The following LEMD1 variants were observed in gnomAD, a reference collection of about 807,000 sequenced individuals.
The protein encoded by LEMD1 is LEM domain containing 1.
LEMD1 carries 18 observed loss-of-function variants against 17.4 expected under a neutral mutation model. The ratio of observed to expected loss-of-function variants is 1.04; its 90% CI spans 0.72 to 1.54. The LOEUF is 1.54. LEMD1 is among the 40% of genes most tolerant of loss of function. The pLI is 0.00. For synonymous variants in LEMD1, 88 were observed against 77.8 expected (o/e 1.13, Z -0.69); for missense variants, 195 against 210.4 (o/e 0.93, Z 0.45).
intron 4 of LEMD1, among the ~76,000 whole-genome samples, chr1:205,406,933 A>G (rs1345129456): frequency 2.0e-5 from 3 of 152,206 alleles, no homozygotes; most frequent in Non-Finnish European, 4.4e-5. Context: ...TGGAGCTACA[A>G]GAGTTATCTT....
intron 1 of LEMD1, among the ~76,000 whole-genome samples, chr1:205,444,353 G>A (rs1051611400): frequency 6.6e-6 from 1 of 151,958 alleles, no homozygotes; most frequent in Non-Finnish European, 1.5e-5. Context: ...ATGGTTTACG[G>A]TCTGGGGGCA....
chr1:205,446,986 T>C (rs1666401223), intron 1 of LEMD1, among the ~76,000 whole-genome samples: 1 of 152,162 alleles, frequency 6.6e-6, no homozygotes, highest in Non-Finnish European at 1.5e-5. Flanking sequence ...CAAAGGGTGA[T>C]TGGAGTTGGG....
chr1:205,412,472 A>G (rs1052093381), intron 4 of LEMD1, among the ~76,000 whole-genome samples: 3 of 152,244 alleles, frequency 2.0e-5, no homozygotes. Context: ...AGTGGCTTGC[A>G]TTCCACTAGA....
intron 1 of LEMD1, among the ~76,000 whole-genome samples, chr1:205,444,816 A>G (rs963387887): frequency 2.0e-5 from 3 of 151,688 alleles, no homozygotes; most frequent in Admixed American, 6.6e-5. Flanking sequence ...TGCGCCCCCC[A>G]CGACCCATCC....
At chr1:205,417,936 G>A (rs1665772145) in intron 3 of LEMD1, among the ~76,000 whole-genome samples, 1 of 151,928 alleles carries the variant, frequency 6.6e-6, no homozygotes, top group Non-Finnish European at 1.5e-5. Flanking sequence ...GCCAGACTGG[G>A]TCCAAATCTC....
rs536756329 is a variant in LEMD1 at position 205,394,287 on chromosome 1, G to C, written c.271-9923C>G. On this transcript the variant is annotated intron_variant, in intron 4 of 5. Transcript: ENST00000367153. The stretch of plus-strand genomic sequence containing the variant: ...ATTTTAGGGTGACAAAAATGTTTTG[G>C]AACTAAAATAGAGGTGGTGGTTTCA... Among the ~76,000 whole-genome samples, 25 of 152,102 alleles carry C rather than the reference G, an allele frequency of 1.6e-4. No homozygotes were observed. In the East Asian group the frequency reaches 4.8e-3, roughly 29 times the overall value.
rs562178961 is a variant in LEMD1 at position 205,430,456 on chromosome 1, G to C, written c.-38-9882C>G. On this transcript the variant is annotated intron_variant, in intron 1 of 3. Coordinates refer to the LEMD1 transcript ENST00000367154. The stretch of plus-strand genomic sequence containing the variant: ...AATTTCCAGACGTTGTCAGGGACGG[G>C]GTGGGAGAGTAGGGTAGGGGTGGAC... Among the ~76,000 whole-genome samples the C allele has an allele frequency of 2.5e-4, 38 of 152,322 alleles. No homozygotes were observed. The South Asian group carries it at 7.5e-3, about 30-fold the overall frequency.
chr1:205,430,610 G>A (rs1666111740), intron 1 of LEMD1, among the ~76,000 whole-genome samples: 1 of 152,200 alleles, frequency 6.6e-6, no homozygotes, highest in African/African-American at 2.4e-5. Flanking sequence ...CCACGCGGAC[G>A]CCAACAGTTT....
At chr1:205,419,378 T>C in intron 2 of LEMD1, 26 bp from the exon 3 acceptor site, 1 of 1,613,820 alleles carries the variant, frequency 6.2e-7, no homozygotes, top group Admixed American at 1.7e-5. Flanking sequence ...GAGAACAAAT[T>C]AAATTGTTCT....
intron 4 of LEMD1, among the ~76,000 whole-genome samples, chr1:205,396,015 G>GA (rs1553392731): frequency 2.4e-4 from 35 of 148,840 alleles, no homozygotes; most frequent in Non-Finnish European, 4.8e-4. Flanking sequence ...TGGAGCATTT[G>GA]TTTTTTTTTT....
chr1:205,435,786 C>G (rs951997770), intron 1 of LEMD1: 5 of 152,166 alleles, frequency 3.3e-5, no homozygotes, highest in Non-Finnish European at 7.3e-5. Context: ...GAGTTTTGAT[C>G]TAGAAAACAT....
At chr1:205,438,457 T>C (rs1239026958) in intron 1 of LEMD1, among the ~76,000 whole-genome samples, 7 of 152,230 alleles carry the variant, frequency 4.6e-5, no homozygotes, top group African/African-American at 1.7e-4. Flanking sequence ...CTGCGAATGC[T>C]GGGGCTGCTT....
At chr1:205,385,646 G>C (rs1244081544) in intron 4 of LEMD1, 1 of 152,244 alleles carries the variant, frequency 6.6e-6, no homozygotes, top group East Asian at 1.9e-4. Flanking sequence ...TATTTTGTAA[G>C]TGTTCTGCAC....
At chr1:205,419,451 C>A in intron 2 of LEMD1, 99 bp from the exon 3 acceptor site, 4 of 1,356,338 alleles carry the variant, frequency 2.9e-6, no homozygotes, top group Non-Finnish European at 1.0e-6. Flanking sequence ...TATTCTTAAC[C>A]CTTACATTAT....
chr1:205,393,749 G>A (rs1664451388), intron 4 of LEMD1, among the ~76,000 whole-genome samples: 1 of 151,608 alleles, frequency 6.6e-6, no homozygotes, highest in African/African-American at 2.4e-5. Flanking sequence ...ATTGTTAGTG[G>A]TAACGTAAAA....
At chr1:205,400,495 C>T (rs149535298) in intron 4 of LEMD1, among the ~76,000 whole-genome samples, 452 of 152,296 alleles carry the variant, frequency 3.0e-3, no homozygotes, top group African/African-American at 7.1e-3. Context: ...CTGCCGAGAA[C>T]GCATGGCCTC....
rs1006055194 is a variant in LEMD1, at chr1:205,448,937, C to G, written c.-39+931G>C. On this transcript the variant is annotated intron_variant, in intron 1 of 3. Transcript: ENST00000367154. The surrounding 1 kb of genome is among the most constrained non-coding windows in gnomAD (Gnocchi z 4.7). ...GGGTTAAATAGGTTTCTTGAGTGCC[C>G]CCAGGGGTGGGGGCTGGGCCAACCT... Among the ~76,000 whole-genome samples the G allele has an allele frequency of 1.3e-5, 2 of 152,024 alleles. No individual in the cohort carries two copies. Among genetic ancestry groups the G allele is most frequent in the African/African-American group, 4.8e-5 (2 of 41,382 alleles).
At chr1:205,440,083 A>G (rs1666268160) in intron 1 of LEMD1, among the ~76,000 whole-genome samples, 1 of 152,076 alleles carries the variant, frequency 6.6e-6, no homozygotes, top group South Asian at 2.1e-4. Context: ...AGAGAAGAAA[A>G]AGGCAGGGGA....
In LEMD1 at chr1:205,393,154, CAAAAAG is replaced by C. The variant is rs573548824; in HGVS notation, c.271-8796_271-8791del. ...GAATATATAAAGAATTCTTACAACTCAAAAAGAAAAAGAAAACCCAGTCTAAAGATG... is the reference window on the plus strand; with the variant it reads ...GAATATATAAAGAATTCTTACAACTCAAAAAGAAAACCCAGTCTAAAGATG... On this transcript the variant is annotated intron_variant, in intron 4 of 5. Transcript: ENST00000367153. Among the ~76,000 whole-genome samples the C allele has an allele frequency of 4.0e-4, 61 of 151,894 alleles. No individual in the cohort carries two copies. In the East Asian group the frequency reaches 0.011, roughly 26 times the overall value.
Sources: allele counts gnomAD v4.1 joint callset (sites outside exome capture counted in the v4.1 genomes callset), GRCh38; gene constraint gnomAD v4.1.1; non-coding constraint Gnocchi (gnomAD v3.1); transcripts MANE v1.5; gene names NCBI Gene and HGNC (gene_info 2026-07-23, HGNC 2026-07-21).